The following PLD5 variants were observed in gnomAD, a reference collection of about 807,000 sequenced individuals.
The protein encoded by PLD5 is phospholipase D family member 5, also known as inactive phospholipase D5.
Under a neutral mutation model 61.1 loss-of-function variants are expected in PLD5, and 36 were observed. The ratio of observed to expected loss-of-function variants is 0.59; its 90% CI spans 0.45 to 0.78. The LOEUF (loss-of-function observed/expected upper bound fraction) is 0.78, where lower values mean the gene tolerates loss of function less well. Ranked by LOEUF, PLD5 falls within the 30% of genes least tolerant of loss-of-function variation. The probability of loss-of-function intolerance (pLI) is 0.00; values close to 1 mark genes in which losing one functional copy is unlikely to be tolerated. For synonymous variants in PLD5, 243 were observed against 242.8 expected (o/e 1.00, Z -0.01); for missense variants, 515 against 644.4 (o/e 0.80, Z 2.17).
At chr1:242,135,417 CCTG>C (rs1171248388) in intron 5 of PLD5, among the ~76,000 whole-genome samples, 2 of 152,208 alleles carry the variant, frequency 1.3e-5, no homozygotes, top group African/African-American at 2.4e-5. Flanking sequence ...CATGCAGTGA[CCTG>C]CTGCACCCTG....
intron 1 of PLD5, among the ~76,000 whole-genome samples, chr1:242,445,237 G>T (rs928865935): frequency 6.6e-5 from 10 of 152,198 alleles, no homozygotes; most frequent in Non-Finnish European, 8.8e-5. Context: ...CACACAGCGA[G>T]AAGGCATCAT....
At chr1:242,175,190 T>A (rs1667047209) in intron 5 of PLD5, among the ~76,000 whole-genome samples, 1 of 152,076 alleles carries the variant, frequency 6.6e-6, no homozygotes, top group Non-Finnish European at 1.5e-5. Flanking sequence ...AACATGGATG[T>A]GAAAATCCTC....
intron 5 of PLD5, among the ~76,000 whole-genome samples, chr1:242,137,312 C>T (rs762077080): frequency 1.4e-4 from 21 of 152,188 alleles, no homozygotes; most frequent in Non-Finnish European, 1.2e-4. Context: ...TATCTCTTTG[C>T]GCTCAGCTCT....
chr1:242,268,641 C>T (rs1232990659), intron 3 of PLD5, among the ~76,000 whole-genome samples: 11 of 152,262 alleles, frequency 7.2e-5, no homozygotes, highest in African/African-American at 1.7e-4. Context: ...CTCACTGTAA[C>T]GATCTTGGGC....
At chr1:242,118,476 T>C (rs1662118222) in intron 6 of PLD5, among the ~76,000 whole-genome samples, 1 of 152,266 alleles carries the variant, frequency 6.6e-6, no homozygotes, top group African/African-American at 2.4e-5. Context: ...TCTATGTGTT[T>C]AGCCACTTGC....
At chr1:242,362,347 T>G (rs957064837) in intron 1 of PLD5, among the ~76,000 whole-genome samples, 4 of 152,230 alleles carry the variant, frequency 2.6e-5, no homozygotes, top group Non-Finnish European at 1.5e-5. Flanking sequence ...AAAATCTGTC[T>G]GTTTTATAGA....
At chr1:242,304,632 T>G (rs981961360) in intron 2 of PLD5, among the ~76,000 whole-genome samples, 19 of 152,376 alleles carry the variant, frequency 1.2e-4, no homozygotes, top group African/African-American at 4.3e-4. Flanking sequence ...AAACATTCTA[T>G]GTACACAGAA....
intron 9 of PLD5, among the ~76,000 whole-genome samples, chr1:242,093,712 C>T (rs912869715): frequency 6.6e-6 from 1 of 151,928 alleles, no homozygotes; most frequent in Non-Finnish European, 1.5e-5. Flanking sequence ...TGTCGACCCC[C>T]GAGGTCAGGA....
intron 1 of PLD5, among the ~76,000 whole-genome samples, chr1:242,495,196 G>A (rs896495535): frequency 6.6e-6 from 1 of 151,910 alleles, no homozygotes; most frequent in Admixed American, 6.6e-5. Flanking sequence ...TTGTCTAATT[G>A]ACAAAGTCCT....
At chr1:242,165,918 T>C (rs1477928378) in intron 5 of PLD5, among the ~76,000 whole-genome samples, 1 of 152,220 alleles carries the variant, frequency 6.6e-6, no homozygotes, top group Non-Finnish European at 1.5e-5. Context: ...AACTACTAGC[T>C]GCCATGCATT....
At chr1:242,512,394 C>G (rs1223064275) in intron 1 of PLD5, among the ~76,000 whole-genome samples, 2 of 137,874 alleles carry the variant, frequency 1.5e-5, no homozygotes, top group African/African-American at 2.8e-5. Flanking sequence ...CACTCCAGCC[C>G]GGGTGACAGA....
intron 5 of PLD5, among the ~76,000 whole-genome samples, chr1:242,165,591 T>C (rs535106141): frequency 9.9e-5 from 15 of 152,284 alleles, no homozygotes; most frequent in African/African-American, 3.6e-4. Context: ...CTGATAGGTG[T>C]GATTAAGGAA....
intron 5 of PLD5, among the ~76,000 whole-genome samples, chr1:242,212,445 C>T (rs1377546982): frequency 6.6e-6 from 1 of 152,198 alleles, no homozygotes; most frequent in East Asian, 1.9e-4. Context: ...AAAGGCTCAG[C>T]AGCAGGGAGG....
intron 1 of PLD5, among the ~76,000 whole-genome samples, chr1:242,382,144 A>AAAAAAAAAAAAAAC (rs1411508490): frequency 1.3e-5 from 2 of 151,200 alleles, no homozygotes; most frequent in African/African-American, 4.9e-5. Context: ...AAAAAACAAA[A>AAAAAAAAAAAAAAC]CAAAAAACTG....
chr1:242,465,099 C>A (rs1216475625), intron 1 of PLD5, among the ~76,000 whole-genome samples: 1 of 152,126 alleles, frequency 6.6e-6, no homozygotes, highest in Non-Finnish European at 1.5e-5. Flanking sequence ...CGCGAACATA[C>A]CAAATGCCAC....
intron 1 of PLD5, among the ~76,000 whole-genome samples, chr1:242,394,926 A>G (rs1167694367): frequency 5.0e-5 from 4 of 79,216 alleles, no homozygotes; most frequent in African/African-American, 8.4e-5. Context: ...GTATATATGT[A>G]TACATTATAT....
chr1:242,200,688 G>A lies in PLD5; in HGVS notation c.735+19300C>T, dbSNP rs183898448. ...TTTGAGTACAAGTCCTAACTGTGGT[G>A]TTAACTGATGGAATAATTCCAGGAC... On this transcript the variant is annotated intron_variant, in intron 5 of 9. Transcript: ENST00000536534. 3.3e-5 allele frequency among the ~76,000 whole-genome samples: 5 copies of A among 152,176 alleles called. No homozygotes were observed. The East Asian group carries it at 9.7e-4, about 29-fold the overall frequency.
In PLD5 at chr1:242,101,410, G is replaced by A. The variant is rs576755624; in HGVS notation, c.1240-628C>T. On this transcript the variant is annotated intron_variant, in intron 8 of 9. Transcript: ENST00000536534. The stretch of plus-strand genomic sequence containing the variant: ...TTCACCCAAGGCCAGGAATGGGGCA[G>A]CTGAAAGAAGGGGGATGACTGCAGG... 2.6e-5 allele frequency among the ~76,000 whole-genome samples: 4 copies of A among 152,296 alleles called. No individual in the cohort carries two copies. The East Asian group carries it at 7.7e-4, about 29-fold the overall frequency.
At chr1:242,287,942 T>C (rs1451191060) in intron 3 of PLD5, among the ~76,000 whole-genome samples, 3 of 152,202 alleles carry the variant, frequency 2.0e-5, no homozygotes, top group Non-Finnish European at 2.9e-5. Flanking sequence ...GGGTGAATTA[T>C]AACTTGAAAG....
Sources: gnomAD v4.1 joint callset for allele counts (sites outside exome capture counted in the v4.1 genomes callset) on GRCh38, gnomAD v4.1.1 for gene constraint, MANE v1.5 for transcripts, NCBI Gene and HGNC (gene_info 2026-07-23, HGNC 2026-07-21) for gene names.